The following RAI1 variants were observed in gnomAD, a reference collection of about 807,000 sequenced individuals.
RAI1 encodes the protein retinoic acid induced 1.
A neutral mutation model predicts 123.8 loss-of-function variants in RAI1; 9 were observed. The ratio of observed to expected loss-of-function variants is 0.07; its 90% confidence interval spans 0.04 to 0.13. RAI1 has a LOEUF of 0.13. Ranked by LOEUF, RAI1 falls within the 10% of genes least tolerant of loss-of-function variation. The pLI, the probability that RAI1 is intolerant of heterozygous loss-of-function variation, is 1.00. For synonymous variants in RAI1, 1,231 were observed against 1,127.3 expected, an observed-to-expected ratio of 1.09 and a Z score of -1.84; for missense variants, 2,256 against 2,545.8, an observed-to-expected ratio of 0.89 and a Z score of 2.45.
intron 2 of RAI1, 22 bp from the exon 3 acceptor site, chr17:17,792,910 TC>T: frequency 3.8e-6 from 1 of 263,860 alleles, no homozygotes; most frequent in South Asian, 2.7e-5. Context: ...CCTCCCTCCC[TC>T]CCTTCCTTTT....
At chr17:17,784,040 A>G (rs1194888951) in intron 2 of RAI1, among the ~76,000 whole-genome samples, 1 of 151,896 alleles carries the variant, frequency 6.6e-6, no homozygotes, top group African/African-American at 2.4e-5. Flanking sequence ...TCTCTCCTTA[A>G]TAATAAAATT....
intron 2 of RAI1, among the ~76,000 whole-genome samples, chr17:17,746,518 G>A (rs1378807279): frequency 1.3e-5 from 2 of 152,076 alleles, no homozygotes; most frequent in South Asian, 4.1e-4. Flanking sequence ...AGGAGCTCCT[G>A]CCATCCCCTT....
intron 2 of RAI1, among the ~76,000 whole-genome samples, chr17:17,729,775 C>T (rs1391839915): frequency 6.6e-6 from 1 of 152,192 alleles, no homozygotes; most frequent in Non-Finnish European, 1.5e-5. Flanking sequence ...GGGAGGGACA[C>T]ACACTGTCAC....
At chr17:17,782,656 G>A (rs1031383300) in intron 2 of RAI1, among the ~76,000 whole-genome samples, 3 of 134,720 alleles carry the variant, frequency 2.2e-5, no homozygotes, top group African/African-American at 8.0e-5. Flanking sequence ...AGTGGGGACC[G>A]AAGCATTAGA....
intron 2 of RAI1, among the ~76,000 whole-genome samples, chr17:17,764,188 C>T (rs2030821294): frequency 1.3e-5 from 2 of 152,200 alleles, no homozygotes; most frequent in Admixed American, 6.5e-5. Context: ...GGTGAGGAGC[C>T]TTGGGAGGGA....
Position 17,797,573 on chromosome 17 carries a change from G to A in RAI1, c.4625G>A (p.Arg1542Gln), listed in dbSNP as rs184604492. The A allele has an allele frequency of 2.3e-5, 37 of 1,614,078 alleles. No individual in the cohort carries two copies. The East Asian group carries it at 4.5e-4, about 19-fold the overall frequency. The change falls in exon 3 of 6, where the codon CGG becomes CAG. Residue 1542 changes from arginine (R) to glutamine (Q), a missense_variant. By Grantham distance (43) the Arg-to-Gln change is conservative (BLOSUM62 1). Around this residue, in one of 7 missense-constraint regions of RAI1, gnomAD observed 410 missense variants for 374.6 expected, o/e 1.09. Coordinates refer to ENST00000353383, the MANE Select transcript of RAI1 (RefSeq NM_030665.4). ...SSYSKRKRLT[R>Q]GRAKNTTSSP... is the part of the protein sequence containing the mutation. Reference sequence around the variant, plus strand: ...TATTCCAAGCGGAAGCGCCTCACTCGGGGCCGGGCCAAGAACACCACCTCT... The same window carrying A: ...TATTCCAAGCGGAAGCGCCTCACTCAGGGCCGGGCCAAGAACACCACCTCT...
intron 2 of RAI1, among the ~76,000 whole-genome samples, chr17:17,770,271 G>A (rs576304544): frequency 5.9e-4 from 90 of 152,148 alleles, no homozygotes; most frequent in Non-Finnish European, 9.3e-4. Flanking sequence ...AAAGGCAGGC[G>A]GGGGCAGGGG....
chr17:17,793,416 G>A lies in RAI1; in HGVS notation c.468G>A (p.Gln156=). 1 of 1,613,388 alleles carries A rather than the reference G, an allele frequency of 6.2e-7. No homozygotes were observed. The highest frequency in any genetic ancestry group is 2.2e-5 in the East Asian group (1 of 44,882). Residue 156 remains glutamine, a synonymous_variant, in exon 3 of 6, where the codon CAG becomes CAA. Coordinates refer to ENST00000353383, the MANE Select transcript of RAI1 (RefSeq NM_030665.4). Reference sequence around the variant, plus strand: ...AGACAGCAGTGCCCCCCAGCAGGCAGTATGCAGAGCAGGGCGCCCAGGTGC... The same window carrying A: ...AGACAGCAGTGCCCCCCAGCAGGCAATATGCAGAGCAGGGCGCCCAGGTGC... ...MKKTAVPPSR[Q]YAEQGAQVPF...
intron 2 of RAI1, among the ~76,000 whole-genome samples, chr17:17,728,834 C>T (rs1023763168): frequency 6.6e-6 from 1 of 152,204 alleles, no homozygotes; most frequent in Non-Finnish European, 1.5e-5. Flanking sequence ...CCTCTGACCC[C>T]GAGGCCCAGA....
chr17:17,723,175 A>G (rs1915943378), intron 1 of RAI1, among the ~76,000 whole-genome samples: 1 of 152,034 alleles, frequency 6.6e-6, no homozygotes, highest in Non-Finnish European at 1.5e-5. Flanking sequence ...ACGCAGGCAC[A>G]ATCCCATATA....
rs757542447 is a variant in RAI1 at position 17,809,427 on chromosome 17, T to C, written c.5697T>C (p.Cys1899=). Reference sequence around the variant, plus strand: ...TCGAAGAGAACTTTTCTTTGAAATGTCCCAAACATAAGGTAGGGGACCACA... The same window carrying C: ...TCGAAGAGAACTTTTCTTTGAAATGCCCCAAACATAAGGTAGGGGACCACA... The part of the protein sequence containing the change: ...IFIEENFSLK[C]PKHKRLP Residue 1899 remains cysteine, a synonymous_variant, in exon 5 of 6, where the codon TGT becomes TGC. Coordinates refer to ENST00000353383, the MANE Select transcript of RAI1 (RefSeq NM_030665.4). This position sits in a 1 kb window ranked among gnomAD's most constrained non-coding sequence, Gnocchi z 4.9. 2.6e-5 allele frequency: 42 copies of C among 1,604,926 alleles called. No homozygotes were observed. Among genetic ancestry groups the C allele is most frequent in the Non-Finnish European group, 3.4e-5 (40 of 1,172,008 alleles).
chr17:17,804,006 G>A, intron 4 of RAI1, 157 bp downstream of exon 4: 1 of 793,576 alleles, frequency 1.3e-6, no homozygotes, highest in Non-Finnish European at 2.2e-6. Context: ...TGTCTGCCTA[G>A]ACCTCTGCTG....
intron 2 of RAI1, among the ~76,000 whole-genome samples, chr17:17,745,912 C>T (rs1338226347): frequency 2.6e-5 from 4 of 152,144 alleles, no homozygotes; most frequent in Admixed American, 6.5e-5. Flanking sequence ...GTGGGTGCTG[C>T]CCTGGGCCAT....
rs79733918 is a variant in RAI1 at position 17,787,988 on chromosome 17, C to A, written c.-16-4945C>A. ...ACTCTGAAGGGCCCAGAGCCCCCAG[C>A]CACACCAGGGCTCCCCCAACCTCAA... On this transcript the variant is annotated intron_variant, in intron 2 of 5. Transcript: ENST00000353383. Among the ~76,000 whole-genome samples, 177 of 152,232 alleles carry A rather than the reference C, an allele frequency of 1.2e-3. 1 individual carries two copies. The East Asian group carries it at 0.03, about 26-fold the overall frequency.
rs188807756 is a variant in RAI1 at position 17,807,187 on chromosome 17, C to T, written c.5660-2203C>T. On this transcript the variant is annotated intron_variant, in intron 4 of 5. Coordinates refer to ENST00000353383, the MANE Select transcript of RAI1 (RefSeq NM_030665.4). ...GAACAAGTGAGCTCGAGAGTGAAGG[C>T]GGGGAGGACGGGCGCTTGGGGTGCA... 5.9e-3 allele frequency among the ~76,000 whole-genome samples: 719 copies of T among 121,960 alleles called. 4 individuals are homozygous for T. Among genetic ancestry groups the T allele is most frequent in the Middle Eastern group, 9.5e-3 (2 of 210 alleles). 80.0% of individuals were successfully genotyped at this position (121,960 alleles called of 152,430 possible).
intron 2 of RAI1, among the ~76,000 whole-genome samples, chr17:17,728,446 C>T (rs540498843): frequency 6.6e-6 from 1 of 152,190 alleles, no homozygotes; most frequent in Non-Finnish European, 1.5e-5. Flanking sequence ...ATCCCCCAGC[C>T]AGGGAGAGGA....
chr17:17,708,436 A>G (rs1598025503), intron 1 of RAI1, among the ~76,000 whole-genome samples: 1 of 152,080 alleles, frequency 6.6e-6, no homozygotes, highest in Non-Finnish European at 1.5e-5. Context: ...ACATATATAT[A>G]TATGTACATT....
At chr17:17,740,456 G>A (rs939303169) in intron 2 of RAI1, among the ~76,000 whole-genome samples, 6 of 152,230 alleles carry the variant, frequency 3.9e-5, no homozygotes, top group Non-Finnish European at 8.8e-5. Context: ...TGGTGGAAGT[G>A]GTTCATCTGC....
intron 1 of RAI1, among the ~76,000 whole-genome samples, chr17:17,708,755 A>G (rs961357799): frequency 2.0e-5 from 3 of 152,222 alleles, no homozygotes; most frequent in Admixed American, 6.5e-5. Flanking sequence ...GCAATGGTCC[A>G]GAAGTTAGAA....
Sources: allele counts gnomAD v4.1 joint callset (sites outside exome capture counted in the v4.1 genomes callset), GRCh38; gene constraint gnomAD v4.1.1; regional missense constraint gnomAD v4.1.1; non-coding constraint Gnocchi (gnomAD v3.1); transcripts MANE v1.5; gene names NCBI Gene and HGNC (gene_info 2026-07-23, HGNC 2026-07-21).